The following PPAT variants were observed in gnomAD, a reference collection of about 807,000 sequenced individuals.
PPAT encodes phosphoribosyl pyrophosphate amidotransferase, also known as amidophosphoribosyltransferase.
PPAT carries 20 observed loss-of-function variants against 60.2 expected under a neutral mutation model. The ratio of observed to expected loss-of-function variants is 0.33; its 90% confidence interval spans 0.23 to 0.48. The LOEUF (loss-of-function observed/expected upper bound fraction) is 0.48. PPAT is among the 20% of genes least tolerant of loss of function. The pLI, the probability that PPAT is intolerant of heterozygous loss-of-function variation, is 0.99. For missense variants in PPAT, 349 were observed against 629.6 expected (o/e 0.55, Z 4.77); for synonymous variants, 194 against 215.1 (o/e 0.90, Z 0.86).
At chr4:56,435,229 T>G in intron 1 of PPAT, 121 bp downstream of exon 1, 2 of 1,434,954 alleles carry the variant, frequency 1.4e-6, no homozygotes. Flanking sequence ...AGGCAGGTAC[T>G]GGCTTAGGTC....
chr4:56,402,039 T>G (rs1186123116), intron 6 of PPAT, 70 bp downstream of exon 6: 10 of 1,228,638 alleles, frequency 8.1e-6, no homozygotes, highest in Non-Finnish European at 1.1e-5. Context: ...TTCACATAAA[T>G]AAGAAACTGT....
intron 1 of PPAT, among the ~76,000 whole-genome samples, chr4:56,430,772 A>C (rs1487975503): frequency 6.6e-6 from 1 of 151,540 alleles, no homozygotes; most frequent in Non-Finnish European, 1.5e-5. Flanking sequence ...TGAACATTAG[A>C]CCTTACAATA....
chr4:56,418,912 T>C (rs1215867708), intron 1 of PPAT, among the ~76,000 whole-genome samples: 1 of 152,244 alleles, frequency 6.6e-6, no homozygotes, highest in East Asian at 1.9e-4. Context: ...AACAAGGCAT[T>C]ATGAAATTTC....
chr4:56,435,228 C>G, intron 1 of PPAT, 122 bp downstream of exon 1: 1 of 1,430,980 alleles, frequency 7.0e-7, no homozygotes, highest in Non-Finnish European at 9.5e-7. Context: ...CAGGCAGGTA[C>G]TGGCTTAGGT....
chr4:56,409,953 G>A (rs900339218), intron 1 of PPAT, among the ~76,000 whole-genome samples: 33 of 152,150 alleles, frequency 2.2e-4, no homozygotes, highest in Non-Finnish European at 3.1e-4. Flanking sequence ...ACAGCTCACA[G>A]CAGCCTCAAG....
Position 56,399,196 on chromosome 4 carries a change from C to G in PPAT, c.1219G>C (p.Glu407Gln). The change falls in exon 9 of 11, where the codon GAA becomes CAA. Residue 407 changes from glutamate to glutamine, a missense_variant. Physicochemically the swap from Glu to Gln is conservative, Grantham distance 29. This residue lies in a region of PPAT where 167 missense variants were observed against 328.6 expected (regional missense o/e 0.51). Transcript: ENST00000264220. ...TISPIIKLLK[E>Q]SGAKEVHIRV... ...TTACTTACCTCTTTTGCACCAGATT[C>G]TTTGAGCAGTTTTATTATAGGTGAG... 6.2e-7 allele frequency: 1 copy of G among 1,610,870 alleles called. No individual in the cohort carries two copies. The highest frequency in any genetic ancestry group is 8.5e-7 in the Non-Finnish European group (1 of 1,177,160).
At chr4:56,410,619 G>T in intron 1 of PPAT, 1 of 985,306 alleles carries the variant, frequency 1.0e-6, no homozygotes, top group Non-Finnish European at 1.2e-6. Flanking sequence ...GGAACACTAA[G>T]AAATAAAGGA....
intron 1 of PPAT, chr4:56,422,738 G>A (rs1255013657): frequency 6.6e-6 from 1 of 152,034 alleles, no homozygotes; most frequent in Non-Finnish European, 1.5e-5. Flanking sequence ...CCATACCTAA[G>A]AAATTATGTT....
chr4:56,433,986 G>A (rs568240318), intron 1 of PPAT, among the ~76,000 whole-genome samples: 1 of 152,178 alleles, frequency 6.6e-6, no homozygotes, highest in South Asian at 2.1e-4. Flanking sequence ...CACCGCGCCT[G>A]GCCATAGTTT....
At chr4:56,412,304 A>T (rs1276579250) in intron 1 of PPAT, among the ~76,000 whole-genome samples, 1 of 147,306 alleles carries the variant, frequency 6.8e-6, no homozygotes, top group Non-Finnish European at 1.5e-5. Context: ...CTATTCTCCC[A>T]TCACCTTTTT....
chr4:56,399,083 T>C (rs1304387123), intron 9 of PPAT, 96 bp downstream of exon 9: 8 of 1,037,394 alleles, frequency 7.7e-6, no homozygotes, highest in South Asian at 1.5e-5. Context: ...ATTTATTATA[T>C]TGAACATCCA....
At chr4:56,429,232 AGAGT>A (rs1717452392) in intron 1 of PPAT, among the ~76,000 whole-genome samples, 1 of 152,224 alleles carries the variant, frequency 6.6e-6, no homozygotes, top group Non-Finnish European at 1.5e-5. Context: ...GAAAGAAAAA[AGAGT>A]GAGAGTAACA....
chr4:56,396,764 AG>A lies in PPAT; in HGVS notation c.1237-26del. 1.3e-6 allele frequency: 2 copies of A among 1,597,860 alleles called. No individual in the cohort carries two copies. The highest frequency in any genetic ancestry group is 1.7e-6 in the Non-Finnish European group (2 of 1,174,078). On this transcript the variant is annotated intron_variant, in intron 9 of 10. Coordinates refer to ENST00000264220, the MANE Select transcript of PPAT (RefSeq NM_002703.5). This position sits in a 1 kb window ranked among gnomAD's most constrained non-coding sequence, Gnocchi z 4.6. ...CCTTGGAAAGAAATCATTGCACACA[AG>A]GTTTTTAAGACTATGCAAAATTCTT...
At chr4:56,414,215 C>T (rs1290871658) in intron 1 of PPAT, 1 of 152,154 alleles carries the variant, frequency 6.6e-6, no homozygotes, top group African/African-American at 2.4e-5. Context: ...CTGGTTTTTC[C>T]TATGGCGGAA....
chr4:56,433,589 G>T (rs1170946572), intron 1 of PPAT, among the ~76,000 whole-genome samples: 4 of 151,504 alleles, frequency 2.6e-5, no homozygotes, highest in Non-Finnish European at 5.9e-5. Context: ...GGCAAAAAAA[G>T]TAAATATAGT....
chr4:56,417,835 G>GTTTTTTTTTTTTTTTTTTTTTTTTTT (rs1207160039), intron 1 of PPAT, among the ~76,000 whole-genome samples: 3 of 102,530 alleles, frequency 2.9e-5, no homozygotes, highest in African/African-American at 1.0e-4. Context: ...TGAAGATTTG[G>GTTTTTTTTTTTTTTTTTTTTTTTTTT]TTTTTTGTTT....
At chr4:56,398,889 G>A (rs887148911) in intron 9 of PPAT, among the ~76,000 whole-genome samples, 1 of 152,030 alleles carries the variant, frequency 6.6e-6, no homozygotes, top group Non-Finnish European at 1.5e-5. Context: ...CTGGGCTCAA[G>A]CAACCTCCTA....
chr4:56,434,553 G>A (rs959306884), intron 1 of PPAT, among the ~76,000 whole-genome samples: 1 of 152,130 alleles, frequency 6.6e-6, no homozygotes, highest in Non-Finnish European at 1.5e-5. Context: ...AACTCGAAAG[G>A]ATCTCCCAAT....
At chr4:56,433,665 T>A (rs1717726677) in intron 1 of PPAT, among the ~76,000 whole-genome samples, 1 of 151,532 alleles carries the variant, frequency 6.6e-6, no homozygotes, top group African/African-American at 2.4e-5. Flanking sequence ...AGATTCTCCC[T>A]CACCCCCATG....
Sources: allele counts gnomAD v4.1 joint callset (sites outside exome capture counted in the v4.1 genomes callset), GRCh38; gene constraint gnomAD v4.1.1; regional missense constraint gnomAD v4.1.1; non-coding constraint Gnocchi (gnomAD v3.1); transcripts MANE v1.5; gene names NCBI Gene and HGNC (gene_info 2026-07-23, HGNC 2026-07-21).